The following PARD6G variants were observed in gnomAD, a reference collection of about 807,000 sequenced individuals.
PARD6G encodes partitioning defective 6 homolog gamma.
Under a neutral mutation model 10.7 loss-of-function variants are expected in PARD6G, and 7 were observed. That is an observed-to-expected ratio of 0.66 (90% CI 0.37 to 1.23). PARD6G has a LOEUF of 1.23. PARD6G is among the 50% of genes most tolerant of loss of function. The pLI is 0.02. For missense variants in PARD6G, 548 were observed against 571.8 expected (o/e 0.96, Z 0.42); for synonymous variants, 287 against 269.4 (o/e 1.07, Z -0.64).
At position 80,188,546 on chromosome 18, in the gene PARD6G, C is replaced by T. The variant is rs2052891956; in HGVS notation, c.295+14164G>A. 6.6e-6 allele frequency among the ~76,000 whole-genome samples: 1 copy of T among 152,256 alleles called. No homozygotes were observed. The highest frequency in any genetic ancestry group is 2.1e-4 in the South Asian group (1 of 4,838). On this transcript the variant is annotated intron_variant, in intron 2 of 2. Transcript: ENST00000353265. This position sits in a 1 kb window ranked among gnomAD's most constrained non-coding sequence, Gnocchi z 5.4. Reference sequence around the variant, plus strand: ...TCCTAGTACAGGCGCCTCGACCCAACTGTGCCAGCACAACCATCCCAGCCC... The same window carrying T: ...TCCTAGTACAGGCGCCTCGACCCAATTGTGCCAGCACAACCATCCCAGCCC...
intron 2 of PARD6G, chr18:80,177,972 T>TACACACAC (rs3028716): frequency 0.031 from 4,658 of 152,326 alleles, 96 homozygotes; most frequent in East Asian, 0.069. Flanking sequence ...AGCGTGTGCA[T>TACACACAC]ACACACACAC....
chr18:80,181,743 G>T lies in PARD6G; in HGVS notation c.295+20967C>A, dbSNP rs2052849528. ...TGGCTGGAAGCTGCTTTCAGCTCCT[G>T]GCCTTCCTGATGGGCATCGGCTCCC... On this transcript the variant is annotated intron_variant, in intron 2 of 2. Coordinates refer to ENST00000353265, the MANE Select transcript of PARD6G (RefSeq NM_032510.4). The surrounding 1 kb of genome is among the most constrained non-coding windows in gnomAD (Gnocchi z 7.9). 6.6e-6 allele frequency among the ~76,000 whole-genome samples: 1 copy of T among 152,026 alleles called. No homozygotes were observed. The highest frequency in any genetic ancestry group is 2.1e-4 in the South Asian group (1 of 4,818).
chr18:80,179,049 G>A (rs1179663477), intron 2 of PARD6G, among the ~76,000 whole-genome samples: 2 of 151,978 alleles, frequency 1.3e-5, no homozygotes, highest in Non-Finnish European at 2.9e-5. Context: ...TATTTTTTCC[G>A]AGGCCACGAA....
intron 2 of PARD6G, among the ~76,000 whole-genome samples, chr18:80,163,978 A>G (rs1046211683): frequency 6.6e-6 from 1 of 152,232 alleles, no homozygotes; most frequent in African/African-American, 2.4e-5. Flanking sequence ...TTGTCATCCC[A>G]GACTTGGAGC....
intron 1 of PARD6G, among the ~76,000 whole-genome samples, chr18:80,235,322 C>A (rs1967408421): frequency 6.6e-6 from 1 of 152,036 alleles, no homozygotes; most frequent in Non-Finnish European, 1.5e-5. Flanking sequence ...AGAACAAAGA[C>A]ACAACATACC....
At chr18:80,194,002 T>C (rs1406907301) in intron 2 of PARD6G, among the ~76,000 whole-genome samples, 8 of 152,118 alleles carry the variant, frequency 5.3e-5, no homozygotes, top group African/African-American at 1.9e-4. Flanking sequence ...TACAGAGATA[T>C]GGGGCAAAAA....
At chr18:80,196,713 C>CTGGA (rs1340714644) in intron 2 of PARD6G, among the ~76,000 whole-genome samples, 1 of 152,034 alleles carries the variant, frequency 6.6e-6, no homozygotes, top group Non-Finnish European at 1.5e-5. Flanking sequence ...TGTGGGCGCC[C>CTGGA]TGGAGGACAA....
chr18:80,164,239 T>C (rs915935759), intron 2 of PARD6G, among the ~76,000 whole-genome samples: 1 of 152,166 alleles, frequency 6.6e-6, no homozygotes, highest in African/African-American at 2.4e-5. Flanking sequence ...ACCTGGCCTT[T>C]GTATTTTGTC....
chr18:80,192,192 T>C lies in PARD6G; in HGVS notation c.295+10518A>G, dbSNP rs1350135073. Among the ~76,000 whole-genome samples the C allele has an allele frequency of 6.6e-6, 1 of 152,228 alleles. No individual in the cohort carries two copies. Among genetic ancestry groups the C allele is most frequent in the African/African-American group, 2.4e-5 (1 of 41,464 alleles). Reference sequence around the variant, plus strand: ...TTCTCTACGAGACATGATATGACAGTGACCCCTTCGTTCATTCCTGAGAAG... The same window carrying C: ...TTCTCTACGAGACATGATATGACAGCGACCCCTTCGTTCATTCCTGAGAAG... On this transcript the variant is annotated intron_variant, in intron 2 of 2. Transcript: ENST00000353265. The surrounding 1 kb of genome is among the most constrained non-coding windows in gnomAD (Gnocchi z 4.9).
At chr18:80,212,560 A>C (rs1476565388) in intron 1 of PARD6G, among the ~76,000 whole-genome samples, 2 of 152,220 alleles carry the variant, frequency 1.3e-5, no homozygotes, top group Non-Finnish European at 2.9e-5. Flanking sequence ...AACCGCTGTC[A>C]GTCACTGATT....
Position 80,219,801 on chromosome 18 carries a change from C to A in PARD6G, c.73-16869G>T, listed in dbSNP as rs369737992. On this transcript the variant is annotated intron_variant, in intron 1 of 2. Coordinates refer to ENST00000353265, the MANE Select transcript of PARD6G (RefSeq NM_032510.4). ...TTTTGGTTAAAGCCATTCAACAAGT[C>A]TCTAGGAAGTTCCAAATTTTCCCAC... 1.2e-4 allele frequency among the ~76,000 whole-genome samples: 19 copies of A among 152,294 alleles called. No individual in the cohort carries two copies. The East Asian group carries it at 2.1e-3, about 17-fold the overall frequency.
rs201373415 is a variant in PARD6G at position 80,195,548 on chromosome 18, CAT to C, written c.295+7160_295+7161del. 4.6e-3 allele frequency among the ~76,000 whole-genome samples: 376 copies of C among 82,174 alleles called. 21 individuals carry two copies. The highest frequency in any genetic ancestry group is 0.019 in the Admixed American group (125 of 6,500). 53.9% of individuals were successfully genotyped at this position (82,174 alleles called of 152,430 possible). A position where few individuals can be genotyped will look rare whatever the true frequency, so the allele number is the denominator to read the frequency against. ...CACACAATAAGAGTCTTCAAAGATA[CAT>C]ATATATATATATATATATATATACA... On this transcript the variant is annotated intron_variant, in intron 2 of 2. Coordinates refer to ENST00000353265, the MANE Select transcript of PARD6G (RefSeq NM_032510.4).
chr18:80,212,015 T>C (rs1026245641), intron 1 of PARD6G, among the ~76,000 whole-genome samples: 5 of 152,124 alleles, frequency 3.3e-5, no homozygotes, highest in African/African-American at 9.7e-5. Flanking sequence ...GGTCCTCAAA[T>C]AATGTTTCAT....
chr18:80,233,981 G>A (rs1280890487), intron 1 of PARD6G, among the ~76,000 whole-genome samples: 2 of 152,050 alleles, frequency 1.3e-5, no homozygotes, highest in South Asian at 2.1e-4. Context: ...AACACCCTCC[G>A]AGTGTAGAAG....
intron 1 of PARD6G, among the ~76,000 whole-genome samples, chr18:80,210,948 G>C (rs1177368043): frequency 6.6e-6 from 1 of 151,018 alleles, no homozygotes; most frequent in South Asian, 2.1e-4. Context: ...TACATTGAAG[G>C]CCTCTGTTAA....
At position 80,236,371 on chromosome 18, in the gene PARD6G, T is replaced by C. The variant is rs539163941; in HGVS notation, c.72+10906A>G. ...GTATCTCAAAATAATAAGAGCTATCTATGACAAACCCACAGCCAATATCAT... is the reference window on the plus strand; with the variant it reads ...GTATCTCAAAATAATAAGAGCTATCCATGACAAACCCACAGCCAATATCAT... On this transcript the variant is annotated intron_variant, in intron 1 of 2. Transcript: ENST00000353265. Among the ~76,000 whole-genome samples the C allele has an allele frequency of 7.9e-5, 12 of 152,274 alleles. No homozygotes were observed. The East Asian group carries it at 2.3e-3, about 29-fold the overall frequency.
Position 80,175,259 on chromosome 18 carries a change from G to A in PARD6G, c.296-14653C>T, listed in dbSNP as rs1376712609. 6.6e-6 allele frequency among the ~76,000 whole-genome samples: 1 copy of A among 152,096 alleles called. No individual in the cohort carries two copies. Among genetic ancestry groups the A allele is most frequent in the Non-Finnish European group, 1.5e-5 (1 of 68,016 alleles). ...ACATAATGTGTGTCTTAGCTCCAGC[G>A]GCCATAACAAAATACCACAGATGGT... On this transcript the variant is annotated intron_variant, in intron 2 of 2. Coordinates refer to ENST00000353265, the MANE Select transcript of PARD6G (RefSeq NM_032510.4). This position sits in a 1 kb window ranked among gnomAD's most constrained non-coding sequence, Gnocchi z 6.7.
chr18:80,174,852 G>A (rs2052799281), intron 2 of PARD6G, among the ~76,000 whole-genome samples: 2 of 152,166 alleles, frequency 1.3e-5, no homozygotes. Flanking sequence ...TACTCGAGAG[G>A]CTGAGGCAGG....
In PARD6G at chr18:80,161,219, G is replaced by A. The variant is rs1025758621; in HGVS notation, c.296-613C>T. 6.6e-6 allele frequency among the ~76,000 whole-genome samples: 1 copy of A among 152,108 alleles called. No individual in the cohort carries two copies. Among genetic ancestry groups the A allele is most frequent in the Non-Finnish European group, 1.5e-5 (1 of 68,016 alleles). ...AGTAGAGGAAGGAGTGGGATCAGAG[G>A]ATGGCTGCTTCCCTTCTGTGAGGTC... On this transcript the variant is annotated intron_variant, in intron 2 of 2. Coordinates refer to ENST00000353265, the MANE Select transcript of PARD6G (RefSeq NM_032510.4). This position sits in a 1 kb window ranked among gnomAD's most constrained non-coding sequence, Gnocchi z 4.6.
Sources: allele counts gnomAD v4.1 joint callset (sites outside exome capture counted in the v4.1 genomes callset), GRCh38; gene constraint gnomAD v4.1.1; non-coding constraint Gnocchi (gnomAD v3.1); transcripts MANE v1.5; gene names NCBI Gene and HGNC (gene_info 2026-07-23, HGNC 2026-07-21).